ZFC3H1: variants seen among roughly 807,000 people sequenced by gnomAD.
ZFC3H1 encodes the protein zinc finger C3H1 domain-containing protein.
Under a neutral mutation model 243.7 loss-of-function variants are expected in ZFC3H1, and 71 were observed. The ratio of observed to expected loss-of-function variants is 0.29; its 90% CI spans 0.24 to 0.36. The LOEUF is 0.36. ZFC3H1 is among the 10% of genes least tolerant of loss of function. The probability of loss-of-function intolerance (pLI) is 1.00; values close to 1 mark genes in which losing one functional copy is unlikely to be tolerated. For synonymous variants in ZFC3H1, 838 were observed against 813.0 expected, an observed-to-expected ratio of 1.03 and a Z score of -0.52; for missense variants, 1,966 against 2,317.1, an observed-to-expected ratio of 0.85 and a Z score of 3.11.
At chr12:71,614,796 C>T (rs1565801689) in intron 29 of ZFC3H1, 38 bp downstream of exon 29, 1 of 1,603,048 alleles carries the variant, frequency 6.2e-7, no homozygotes, top group Non-Finnish European at 8.5e-7. Flanking sequence ...ACCCCTTTAT[C>T]CCCAAATCTC....
intron 5 of ZFC3H1, among the ~76,000 whole-genome samples, chr12:71,643,722 T>C (rs896100841): frequency 9.9e-5 from 15 of 152,204 alleles, no homozygotes; most frequent in Non-Finnish European, 1.9e-4. Context: ...TTTATTAAGG[T>C]AGTCCATACT....
intron 5 of ZFC3H1, 45 bp from the exon 6 acceptor site, chr12:71,642,604 G>T: frequency 6.4e-7 from 1 of 1,566,236 alleles, no homozygotes. Context: ...TTTCTGTCTT[G>T]GGTTACAAAT....
chr12:71,637,482 A>T (rs1056257099), intron 7 of ZFC3H1, among the ~76,000 whole-genome samples: 1 of 152,178 alleles, frequency 6.6e-6, no homozygotes, highest in Non-Finnish European at 1.5e-5. Flanking sequence ...GATTCTGTGA[A>T]TAATAGTCCA....
chr12:71,635,363 G>A, intron 10 of ZFC3H1, 80 bp downstream of exon 10: 1 of 1,481,440 alleles, frequency 6.8e-7, no homozygotes, highest in Non-Finnish European at 9.0e-7. Context: ...ATAACTTTAT[G>A]GTTTAATTTT....
At chr12:71,654,809 C>A (rs963841187) in intron 2 of ZFC3H1, among the ~76,000 whole-genome samples, 6 of 152,068 alleles carry the variant, frequency 3.9e-5, no homozygotes, top group Non-Finnish European at 7.4e-5. Flanking sequence ...CAGCTCTATA[C>A]TATGTACAAG....
At position 71,663,530 on chromosome 12, in the gene ZFC3H1, G is replaced by A; in HGVS notation, c.81C>T (p.Ile27=). 6.2e-7 allele frequency: 1 copy of A among 1,613,590 alleles called. No individual in the cohort carries two copies. The highest frequency in any genetic ancestry group is 8.5e-7 in the Non-Finnish European group (1 of 1,180,036). Residue 27 remains isoleucine, a synonymous_variant, in exon 1 of 35, where the codon ATC becomes ATT. Coordinates refer to ENST00000378743, the MANE Select transcript of ZFC3H1 (RefSeq NM_144982.5). ...TCTGGCTGTTATTATCGTCGTCACTGATTTCCCCATCTTCAAGCTCCCCTT... is the reference window on the plus strand; with the variant it reads ...TCTGGCTGTTATTATCGTCGTCACTAATTTCCCCATCTTCAAGCTCCCCTT... The part of the protein sequence containing the change: ...KEEGELEDGE[I]SDDDNNSQIR...
rs1880330187 is a variant in ZFC3H1 at position 71,631,833 on chromosome 12, T to C, written c.3415A>G (p.Lys1139Glu). The C allele has an allele frequency of 1.2e-6, 2 of 1,613,810 alleles. No individual in the cohort carries two copies. Among genetic ancestry groups the C allele is most frequent in the Non-Finnish European group, 1.7e-6 (2 of 1,179,788 alleles). Reference sequence around the variant, plus strand: ...TGGTAGGGTCTAAAAGGACATGGCTTCACTTCCATTGTTTTACTTTGTGCT... The same window carrying C: ...TGGTAGGGTCTAAAAGGACATGGCTCCACTTCCATTGTTTTACTTTGTGCT... ...VTAQSKTMEVKPCPFRPYHSP... is the reference protein window; with the variant it reads ...VTAQSKTMEVEPCPFRPYHSP... The change falls in exon 16 of 35, where the codon AAG (lysine) becomes GAG (glutamate). Residue 1139 changes from lysine to glutamate, a missense_variant. By Grantham distance (56) the Lys-to-Glu change is moderately conservative. Around this residue, in one of 4 missense-constraint regions of ZFC3H1, gnomAD observed 1,383 missense variants for 1,723.7 expected, o/e 0.80. Coordinates refer to ENST00000378743, the MANE Select transcript of ZFC3H1 (RefSeq NM_144982.5).
At chr12:71,626,207 TATACAC>T (rs2137528032) in intron 22 of ZFC3H1, 47 bp downstream of exon 22, 2 of 1,340,534 alleles carry the variant, frequency 1.5e-6, no homozygotes, top group Admixed American at 6.4e-5. Flanking sequence ...TCCAAATAAT[TATACAC>T]ACACACACAC....
intron 2 of ZFC3H1, among the ~76,000 whole-genome samples, chr12:71,651,356 A>T (rs1149016): frequency 0.62 from 94,934 of 152,018 alleles, 32,853 homozygotes; most frequent in Non-Finnish European, 0.78. Context: ...ATCCTCAATA[A>T]CCCTTTCCTA....
chr12:71,623,600 A>G lies in ZFC3H1; in HGVS notation c.4507-3T>C, dbSNP rs1880086135. 6.3e-7 allele frequency: 1 copy of G among 1,577,518 alleles called. No homozygotes were observed. Among genetic ancestry groups the G allele is most frequent in the South Asian group, 1.2e-5 (1 of 84,772 alleles). On this transcript the variant is annotated splice_region_variant and splice_polypyrimidine_tract_variant and intron_variant, in intron 23 of 34. Coordinates refer to ENST00000378743, the MANE Select transcript of ZFC3H1 (RefSeq NM_144982.5). ...TCATTAGCAGATTTCAATGCATTCT[A>G]GGCAAAATTTAAAATTTTTTGATAA...
chr12:71,644,825 CAAAAG>C, intron 4 of ZFC3H1, 47 bp downstream of exon 4: 18 of 1,577,926 alleles, frequency 1.1e-5, no homozygotes, highest in African/African-American at 8.2e-5. Context: ...TCTCAAAAAA[CAAAAG>C]AAAAGAAAAC....
At chr12:71,646,013 G>C (rs766017529) in intron 3 of ZFC3H1, among the ~76,000 whole-genome samples, 3 of 152,048 alleles carry the variant, frequency 2.0e-5, no homozygotes, top group African/African-American at 7.2e-5. Context: ...GATTCCAAAA[G>C]ATTAAGGCCC....
Position 71,651,701 on chromosome 12 carries a change from T to C in ZFC3H1, c.1016-3888A>G, listed in dbSNP as rs529552654. Among the ~76,000 whole-genome samples the C allele has an allele frequency of 4.6e-5, 7 of 152,284 alleles. No homozygotes were observed. In the South Asian group the frequency reaches 1.0e-3, roughly 23 times the overall value. On this transcript the variant is annotated intron_variant, in intron 2 of 34. Transcript: ENST00000378743. Reference sequence around the variant, plus strand: ...CCGACTAGACCTCTCAGAAGTCTTATTGAAAAGAGGAAGAATACTTGACAT... The same window carrying C: ...CCGACTAGACCTCTCAGAAGTCTTACTGAAAAGAGGAAGAATACTTGACAT...
intron 6 of ZFC3H1, among the ~76,000 whole-genome samples, chr12:71,641,026 A>C (rs556269851): frequency 1.3e-5 from 2 of 152,302 alleles, no homozygotes; most frequent in African/African-American, 4.8e-5. Flanking sequence ...ATGGAAAAAA[A>C]TACATATATA....
intron 2 of ZFC3H1, 39 bp downstream of exon 2, chr12:71,656,843 GGAA>G (rs1881031382): frequency 6.5e-7 from 1 of 1,545,420 alleles, no homozygotes; most frequent in Non-Finnish European, 8.7e-7. Context: ...CTACTTTAGA[GGAA>G]GAAGAGTCAT....
rs925105429 is a variant in ZFC3H1, at chr12:71,619,961, C to T, written c.5014G>A (p.Val1672Ile). The change falls in exon 26 of 35, where the codon GTT (valine) becomes ATT (isoleucine). Residue 1672 changes from valine to isoleucine, a missense_variant. Physicochemically the swap from Val to Ile is conservative, Grantham distance 29. Transcript: ENST00000378743. ...AAGAATTTGCACATATGATAAAAAACCTCTGCATTCTGAGGATTTTTTTCA... is the reference window on the plus strand; with the variant it reads ...AAGAATTTGCACATATGATAAAAAATCTCTGCATTCTGAGGATTTTTTTCA... ...AFEKNPQNAEVFYHMCKFFIL... is the reference protein window; with the variant it reads ...AFEKNPQNAEIFYHMCKFFIL... 6.2e-7 allele frequency: 1 copy of T among 1,600,616 alleles called. No individual in the cohort carries two copies. Among genetic ancestry groups the T allele is most frequent in the Non-Finnish European group, 8.5e-7 (1 of 1,171,762 alleles).
intron 13 of ZFC3H1, 82 bp from the exon 14 acceptor site, chr12:71,633,099 T>G: frequency 2.3e-5 from 33 of 1,459,898 alleles, no homozygotes; most frequent in Non-Finnish European, 3.0e-5. Context: ...CCGTGGCTTT[T>G]GAGCATTCAA....
chr12:71,662,712 A>G (rs1592607573), intron 1 of ZFC3H1, among the ~76,000 whole-genome samples: 1 of 152,336 alleles, frequency 6.6e-6, no homozygotes, highest in East Asian at 1.9e-4. Flanking sequence ...GTACCAGCAA[A>G]AATACAAATG....
intron 21 of ZFC3H1, among the ~76,000 whole-genome samples, chr12:71,627,388 C>T (rs1207758140): frequency 6.6e-6 from 1 of 152,050 alleles, no homozygotes; most frequent in African/African-American, 2.4e-5. Flanking sequence ...CCTGTTCCAC[C>T]ATTATTTTAT....
Sources: allele counts gnomAD v4.1 joint callset (sites outside exome capture counted in the v4.1 genomes callset), GRCh38; gene constraint gnomAD v4.1.1; regional missense constraint gnomAD v4.1.1; transcripts MANE v1.5; gene names NCBI Gene and HGNC (gene_info 2026-07-23, HGNC 2026-07-21).